Variants in ABCA1 observed in about 807,000 individuals in gnomAD.
ABCA1 encodes the protein phospholipid-transporting ATPase ABCA1.
In ABCA1, 133 loss-of-function variants were observed where a neutral mutation model predicts 262.5. The observed-to-expected ratio is 0.51, with a 90% CI of 0.44 to 0.59. ABCA1 has a LOEUF of 0.59. ABCA1 is among the 20% of genes least tolerant of loss of function. The pLI is 0.00. For missense variants in ABCA1, 2,452 were observed against 2,777.5 expected (o/e 0.88, Z 2.63); for synonymous variants, 1,022 against 1,043.5 (o/e 0.98, Z 0.40).
chr9:104,792,387 A>G (rs912505249), intron 42 of ABCA1, among the ~76,000 whole-genome samples: 4 of 152,346 alleles, frequency 2.6e-5, no homozygotes, highest in African/African-American at 9.6e-5. Context: ...AAATTTGGAG[A>G]TGCTGGCATC....
intron 2 of ABCA1, among the ~76,000 whole-genome samples, chr9:104,894,933 G>C (rs1338029382): frequency 6.6e-6 from 1 of 152,204 alleles, no homozygotes; most frequent in Non-Finnish European, 1.5e-5. Flanking sequence ...GAATGTTCCA[G>C]GTATTTCTTT....
intron 15 of ABCA1, 21 bp downstream of exon 15, chr9:104,828,895 G>A (rs368471204): frequency 1.8e-4 from 293 of 1,612,480 alleles, no homozygotes; most frequent in Admixed American, 1.3e-4. Flanking sequence ...TGGCAGGGAA[G>A]AGCGAGTGAG....
chr9:104,809,249 A>C (rs1463367904), intron 30 of ABCA1, among the ~76,000 whole-genome samples: 1 of 151,988 alleles, frequency 6.6e-6, no homozygotes, highest in Non-Finnish European at 1.5e-5. Flanking sequence ...GTCTGTAATG[A>C]CGTGCTTTGC....
At chr9:104,924,817 G>A (rs1379022023) in intron 1 of ABCA1, among the ~76,000 whole-genome samples, 5 of 151,966 alleles carry the variant, frequency 3.3e-5, no homozygotes, top group South Asian at 2.1e-4. Flanking sequence ...TAAGTATCCC[G>A]GCTTACGGGA....
At chr9:104,787,435 GAATACATAA>G (rs1437287895) in intron 46 of ABCA1, among the ~76,000 whole-genome samples, 4 of 151,772 alleles carry the variant, frequency 2.6e-5, no homozygotes, top group African/African-American at 9.7e-5. Context: ...GACCGAGGTG[GAATACATAA>G]AAGCCTCAAA....
intron 17 of ABCA1, among the ~76,000 whole-genome samples, chr9:104,824,815 A>G (rs1832680848): frequency 6.6e-6 from 1 of 152,236 alleles, no homozygotes; most frequent in Non-Finnish European, 1.5e-5. Flanking sequence ...TTTAGAGATG[A>G]GGAAACTGAG....
chr9:104,821,011 G>A lies in ABCA1; in HGVS notation c.2960+364C>T, dbSNP rs553695174. On this transcript the variant is annotated intron_variant, in intron 20 of 49. Transcript: ENST00000374736. ...TGTGTTCCCAGCACTTTGGGAGACC[G>A]AGGTGGGCGGATCACGAGGTCAAGA... Among the ~76,000 whole-genome samples the A allele has an allele frequency of 6.7e-4, 102 of 152,192 alleles. 1 individual carries two copies. Among genetic ancestry groups the A allele is most frequent in the South Asian group, 1.9e-3 (9 of 4,824 alleles).
intron 5 of ABCA1, among the ~76,000 whole-genome samples, chr9:104,882,056 A>AAAAAAAAAAAAAAAAAAAAAAAC (rs910844455): frequency 2.1e-5 from 3 of 144,538 alleles, no homozygotes; most frequent in Non-Finnish European, 3.0e-5. Flanking sequence ...AAAAAAAAAA[A>AAAAAAAAAAAAAAAAAAAAAAAC]ACTCAAATCT....
chr9:104,828,885 T>C, intron 15 of ABCA1, 31 bp downstream of exon 15: 1 of 1,609,930 alleles, frequency 6.2e-7, no homozygotes, highest in African/African-American at 1.3e-5. Flanking sequence ...CGGAGTTTCC[T>C]GGCAGGGAAG....
At chr9:104,840,832 T>C (rs1834301121) in intron 8 of ABCA1, among the ~76,000 whole-genome samples, 2 of 152,188 alleles carry the variant, frequency 1.3e-5, no homozygotes, top group African/African-American at 4.8e-5. Flanking sequence ...AGGTGATTCC[T>C]ATGCTCACTA....
At chr9:104,836,301 G>C (rs1016539309) in intron 11 of ABCA1, among the ~76,000 whole-genome samples, 1 of 152,144 alleles carries the variant, frequency 6.6e-6, no homozygotes, top group African/African-American at 2.4e-5. Flanking sequence ...GCTTCTTAAG[G>C]GGAGCAGAGA....
Position 104,794,484 on chromosome 9 carries a change from C to T in ABCA1, c.5409G>A (p.Leu1803=), listed in dbSNP as rs1248890257. The change falls in exon 40 of 50, where the codon CTG becomes CTA. Residue 1803 remains leucine (L), a synonymous_variant. Transcript: ENST00000374736. The part of the protein sequence containing the change: ...DNKLNNINDI[L]KSVFLIFPHF... ...GTGGGAAGATCAAGAACACGGACTT[C>T]AGGATATCATTGATATTATTCAGCT... 1.6e-6 allele frequency: 2 copies of T among 1,215,198 alleles called. No homozygotes were observed. Among genetic ancestry groups the T allele is most frequent in the Middle Eastern group, 4.2e-4 (2 of 4,716 alleles). 75.3% of individuals were successfully genotyped at this position (1,215,198 alleles called of 1,614,324 possible).
At position 104,785,618 on chromosome 9, in the gene ABCA1, T is replaced by A; in HGVS notation, c.6423A>T (p.Ile2141=). ...GGTTGGACCCTGCTATTCGTACAAC[T>A]ATTGTATAACCATCTCCAAACCTGA... ...LKNRFGDGYT[I]VVRIAGSNPD... The change falls in exon 49 of 50, where the codon ATA becomes ATT. Residue 2141 remains isoleucine, a synonymous_variant. Transcript: ENST00000374736. 4 of 1,614,068 alleles carry A rather than the reference T, an allele frequency of 2.5e-6. No individual in the cohort carries two copies. The highest frequency in any genetic ancestry group is 3.4e-6 in the Non-Finnish European group (4 of 1,179,996).
intron 7 of ABCA1, among the ~76,000 whole-genome samples, chr9:104,850,642 G>C (rs946221078): frequency 3.3e-5 from 5 of 152,150 alleles, no homozygotes; most frequent in African/African-American, 1.2e-4. Context: ...CTTGAAACTA[G>C]AACACAAAAT....
At chr9:104,792,238 C>T (rs1218205016) in intron 42 of ABCA1, among the ~76,000 whole-genome samples, 2 of 152,118 alleles carry the variant, frequency 1.3e-5, no homozygotes, top group Admixed American at 6.5e-5. Flanking sequence ...TTTTTAGAAC[C>T]GTATCATTCA....
chr9:104,802,369 C>T (rs192002202), intron 33 of ABCA1, among the ~76,000 whole-genome samples: 2 of 152,336 alleles, frequency 1.3e-5, no homozygotes, highest in African/African-American at 4.8e-5. Context: ...CAGGGAGGAC[C>T]TGGCCTGATT....
intron 16 of ABCA1, 93 bp from the exon 17 acceptor site, chr9:104,825,980 T>C: frequency 1.5e-6 from 2 of 1,335,790 alleles, no homozygotes; most frequent in Non-Finnish European, 2.1e-6. Flanking sequence ...GAAATTTGAA[T>C]TTGCAAAATG....
chr9:104,811,272 T>C (rs967481854), intron 28 of ABCA1, among the ~76,000 whole-genome samples: 8 of 152,218 alleles, frequency 5.3e-5, no homozygotes, highest in Non-Finnish European at 8.8e-5. Context: ...AAAGACTACA[T>C]TGGGCCATGA....
intron 25 of ABCA1, among the ~76,000 whole-genome samples, chr9:104,815,340 C>A (rs1831645987): frequency 6.6e-6 from 1 of 152,212 alleles, no homozygotes; most frequent in Non-Finnish European, 1.5e-5. Flanking sequence ...GAAGCCAAAC[C>A]TTAGTATGTT....
Sources: gnomAD v4.1 joint callset for allele counts (sites outside exome capture counted in the v4.1 genomes callset) on GRCh38, gnomAD v4.1.1 for gene constraint, MANE v1.5 for transcripts, NCBI Gene and HGNC (gene_info 2026-07-23, HGNC 2026-07-21) for gene names.